The following CSMD3 variants were observed in gnomAD, a reference collection of about 807,000 sequenced individuals.
The protein encoded by CSMD3 is CUB and sushi domain-containing protein 3.
Under a neutral mutation model 435.2 loss-of-function variants are expected in CSMD3, and 177 were observed. The ratio of observed to expected loss-of-function variants is 0.41; its 90% CI spans 0.36 to 0.46. CSMD3 has a LOEUF of 0.46. Ranked by LOEUF, CSMD3 falls within the 20% of genes least tolerant of loss-of-function variation. The probability of loss-of-function intolerance (pLI) is 0.34; values close to 1 mark genes in which losing one functional copy is unlikely to be tolerated. For missense variants in CSMD3, 4,265 were observed against 4,504.6 expected, an observed-to-expected ratio of 0.95 and a Z score of 1.52; for synonymous variants, 1,656 against 1,520.5, an observed-to-expected ratio of 1.09 and a Z score of -2.07.
At chr8:113,065,148 T>A (rs1260593610) in intron 5 of CSMD3, among the ~76,000 whole-genome samples, 1 of 152,198 alleles carries the variant, frequency 6.6e-6, no homozygotes, top group African/African-American at 2.4e-5. Flanking sequence ...TTGGGCTTGC[T>A]TGGATTGTAC....
rs765769303 is a variant in CSMD3 at position 112,314,549 on chromosome 8, T to C, written c.7429A>G (p.Ser2477Gly). Residue 2477 changes from serine (S) to glycine (G), a missense_variant, in exon 48 of 71, where the codon AGT (serine) becomes GGT (glycine). Physicochemically the swap from Ser to Gly is moderately conservative, Grantham distance 56. Transcript: ENST00000297405. ...GCACACATTTGAAGATTTGGGTAAC[T>C]GTCAGGATATCCAGGGCTCAATATG... is the stretch of plus-strand genomic sequence containing the variant. ...GVILSPGYPD[S>G]YPNLQMCAWS... 11 of 1,611,890 alleles carry C rather than the reference T, an allele frequency of 6.8e-6. No homozygotes were observed. Among genetic ancestry groups the C allele is most frequent in the East Asian group, 2.2e-5 (1 of 44,784 alleles).
chr8:113,436,752 T>A lies in CSMD3; in HGVS notation c.103A>T (p.Met35Leu), dbSNP rs2130154019. Reference sequence around the variant, plus strand: ...CCACTTTTAATCCCCATTTTCTTCATCAGGATGAAGTCTAGGCGGCCACAT... The same window carrying A: ...CCACTTTTAATCCCCATTTTCTTCAACAGGATGAAGTCTAGGCGGCCACAT... The part of the protein sequence containing the change: ...AKCGRLDFIL[M>L]KKMGIKSGFT... Residue 35 changes from methionine (M) to leucine (L), a missense_variant, in exon 1 of 71, where the codon ATG becomes TTG. Coordinates refer to ENST00000297405, the MANE Select transcript of CSMD3 (RefSeq NM_198123.2). 6.2e-7 allele frequency: 1 copy of A among 1,614,184 alleles called. No individual in the cohort carries two copies. Among genetic ancestry groups the A allele is most frequent in the Non-Finnish European group, 8.5e-7 (1 of 1,180,036 alleles).
chr8:112,429,139 A>G (rs1383394551), intron 32 of CSMD3, among the ~76,000 whole-genome samples: 1 of 152,016 alleles, frequency 6.6e-6, no homozygotes, highest in African/African-American at 2.4e-5. Flanking sequence ...TCTAGAATTT[A>G]TTCTTATTAT....
At chr8:112,482,139 T>C (rs1195224113) in intron 31 of CSMD3, among the ~76,000 whole-genome samples, 2 of 152,196 alleles carry the variant, frequency 1.3e-5, no homozygotes, top group African/African-American at 4.8e-5. Context: ...TTCATTAGAT[T>C]TCCCTGGCTA....
At chr8:112,548,822 G>T (rs1276789982) in intron 27 of CSMD3, among the ~76,000 whole-genome samples, 1 of 151,882 alleles carries the variant, frequency 6.6e-6, no homozygotes, top group East Asian at 1.9e-4. Flanking sequence ...ATTTCAATAG[G>T]TTGATTTTAA....
At chr8:113,221,969 C>T (rs1045799731) in intron 3 of CSMD3, among the ~76,000 whole-genome samples, 21 of 151,062 alleles carry the variant, frequency 1.4e-4, no homozygotes, top group Admixed American at 5.3e-4. Flanking sequence ...AAACAGTTCC[C>T]GGAACAACGC....
intron 65 of CSMD3, among the ~76,000 whole-genome samples, chr8:112,242,922 A>C (rs1814305749): frequency 6.6e-6 from 1 of 152,132 alleles, no homozygotes; most frequent in Non-Finnish European, 1.5e-5. Flanking sequence ...AAAACAAGAG[A>C]TGGCTAAGTA....
intron 53 of CSMD3, among the ~76,000 whole-genome samples, chr8:112,297,504 A>C (rs994486419): frequency 1.3e-5 from 2 of 152,090 alleles, no homozygotes; most frequent in Non-Finnish European, 2.9e-5. Context: ...TATGCAGAAA[A>C]AGTATGTAGC....
chr8:112,637,126 T>G, intron 21 of CSMD3, 121 bp from the exon 22 acceptor site: 2 of 766,226 alleles, frequency 2.6e-6, no homozygotes, highest in South Asian at 2.9e-5. Flanking sequence ...TAGAAGGGAC[T>G]ATATGAATAG....
intron 13 of CSMD3, among the ~76,000 whole-genome samples, chr8:112,747,678 A>C (rs890572561): frequency 2.0e-5 from 3 of 152,186 alleles, no homozygotes; most frequent in Non-Finnish European, 4.4e-5. Context: ...ATAAAACTTT[A>C]TTTATAAAAA....
Position 113,168,519 on chromosome 8 carries a change from CAAAAAAAAAAAAA to C in CSMD3, c.709+5190_709+5202del, listed in dbSNP as rs71281204. Among the ~76,000 whole-genome samples, 11 of 17,016 alleles carry C rather than the reference CAAAAAAAAAAAAA, an allele frequency of 6.5e-4. 1 individual carries two copies. The South Asian group carries it at 0.026, about 41-fold the overall frequency. The allele number at this position is 17,016 out of a possible 152,430, so 11.2% of individuals were successfully genotyped here. Reference sequence around the variant, plus strand: ...CTGGTGACAGAGCAAGACTCTGTCTCAAAAAAAAAAAAAAAAAAAAAAAAAAAACTACAGATTT... The same window carrying C: ...CTGGTGACAGAGCAAGACTCTGTCTCAAAAAAAAAAAAAAACTACAGATTT... On this transcript the variant is annotated intron_variant, in intron 4 of 70. Coordinates refer to ENST00000297405, the MANE Select transcript of CSMD3 (RefSeq NM_198123.2).
At chr8:113,355,214 T>C (rs542956310) in intron 1 of CSMD3, among the ~76,000 whole-genome samples, 6 of 152,154 alleles carry the variant, frequency 3.9e-5, no homozygotes, top group Non-Finnish European at 8.8e-5. Flanking sequence ...ATATTCCTAA[T>C]GTGGGTATAT....
chr8:112,736,986 A>G (rs951721233), intron 13 of CSMD3, among the ~76,000 whole-genome samples: 3 of 151,954 alleles, frequency 2.0e-5, no homozygotes, highest in Non-Finnish European at 4.4e-5. Context: ...TTATCTTTAA[A>G]ATGCTTGTAA....
At chr8:112,888,951 C>A (rs575621975) in intron 10 of CSMD3, among the ~76,000 whole-genome samples, 2 of 151,696 alleles carry the variant, frequency 1.3e-5, no homozygotes, top group East Asian at 3.9e-4. Flanking sequence ...CACACTGATT[C>A]CCTCATTCAA....
In CSMD3 at chr8:113,044,851, T is replaced by C. The variant is rs185180814; in HGVS notation, c.918-25672A>G. On this transcript the variant is annotated intron_variant, in intron 5 of 70. Coordinates refer to ENST00000297405, the MANE Select transcript of CSMD3 (RefSeq NM_198123.2). Reference sequence around the variant, plus strand: ...TTCTTTTGTCTGAAAAGATAAAGTATAGAAAATCTTGTCTGGAGAGTGTGA... The same window carrying C: ...TTCTTTTGTCTGAAAAGATAAAGTACAGAAAATCTTGTCTGGAGAGTGTGA... 2.0e-3 allele frequency among the ~76,000 whole-genome samples: 295 copies of C among 149,262 alleles called. 4 individuals carry two copies. Among genetic ancestry groups the C allele is most frequent in the African/African-American group, 6.7e-3 (278 of 41,362 alleles).
intron 31 of CSMD3, among the ~76,000 whole-genome samples, chr8:112,484,890 A>C (rs1409247708): frequency 6.6e-6 from 1 of 152,130 alleles, no homozygotes; most frequent in Non-Finnish European, 1.5e-5. Context: ...TCCGAAAAAA[A>C]TCTGAAATCG....
intron 17 of CSMD3, among the ~76,000 whole-genome samples, chr8:112,658,923 C>T (rs1160487800): frequency 6.6e-6 from 1 of 152,030 alleles, no homozygotes; most frequent in Non-Finnish European, 1.5e-5. Flanking sequence ...CCACTGCACT[C>T]CAGCCTGGGT....
chr8:113,424,024 A>T (rs967734641), intron 1 of CSMD3, among the ~76,000 whole-genome samples: 10 of 151,962 alleles, frequency 6.6e-5, no homozygotes, highest in Middle Eastern at 3.4e-3. Context: ...TTTCTTACAC[A>T]ATAAGTAATT....
At chr8:112,635,846 T>C (rs961995466) in intron 22 of CSMD3, among the ~76,000 whole-genome samples, 1 of 152,118 alleles carries the variant, frequency 6.6e-6, no homozygotes, top group Admixed American at 6.6e-5. Flanking sequence ...GCATTTTGTA[T>C]CCATAGTAAA....
Sources: allele counts gnomAD v4.1 joint callset (sites outside exome capture counted in the v4.1 genomes callset), GRCh38; gene constraint gnomAD v4.1.1; transcripts MANE v1.5; gene names NCBI Gene and HGNC (gene_info 2026-07-23, HGNC 2026-07-21).